ADAMTS17: variants seen among roughly 807,000 people sequenced by gnomAD.
ADAMTS17 encodes the protein A disintegrin and metalloproteinase with thrombospondin motifs 17.
In ADAMTS17, 113 loss-of-function variants were observed where a neutral mutation model predicts 141.5. The observed-to-expected ratio is 0.80, with a 90% CI of 0.69 to 0.93. The LOEUF (loss-of-function observed/expected upper bound fraction) is 0.93. Ranked by LOEUF, ADAMTS17 falls within the 40% of genes least tolerant of loss-of-function variation. The probability of loss-of-function intolerance (pLI) is 0.00; values close to 1 mark genes in which losing one functional copy is unlikely to be tolerated. For missense variants in ADAMTS17, 1,659 were observed against 1,517.9 expected, an observed-to-expected ratio of 1.09 and a Z score of -1.54; for synonymous variants, 768 against 630.6, an observed-to-expected ratio of 1.22 and a Z score of -3.27.
At chr15:100,278,742 C>T (rs1390687655) in intron 4 of ADAMTS17, among the ~76,000 whole-genome samples, 1 of 152,212 alleles carries the variant, frequency 6.6e-6, no homozygotes, top group Non-Finnish European at 1.5e-5. Flanking sequence ...TCCTAACAAG[C>T]AGGATTGCCG....
intron 18 of ADAMTS17, among the ~76,000 whole-genome samples, chr15:100,018,581 A>AC (rs2061339223): frequency 1.3e-5 from 2 of 152,144 alleles, no homozygotes; most frequent in South Asian, 2.1e-4. Flanking sequence ...GGAAGTGCCT[A>AC]CTTCTCTTTT....
At chr15:99,998,059 C>G (rs1460453985) in intron 18 of ADAMTS17, among the ~76,000 whole-genome samples, 2 of 152,218 alleles carry the variant, frequency 1.3e-5, no homozygotes, top group Non-Finnish European at 2.9e-5. Flanking sequence ...GCCCGCACCA[C>G]TACCGCCTGC....
chr15:100,205,149 G>A (rs2041486258), intron 7 of ADAMTS17, among the ~76,000 whole-genome samples: 1 of 152,154 alleles, frequency 6.6e-6, no homozygotes, highest in Non-Finnish European at 1.5e-5. Flanking sequence ...GTACCTCCAG[G>A]ATCCTGGACT....
intron 4 of ADAMTS17, among the ~76,000 whole-genome samples, chr15:100,269,651 G>A (rs1412443858): frequency 6.6e-6 from 1 of 152,124 alleles, no homozygotes; most frequent in East Asian, 1.9e-4. Context: ...TCTGATTCCT[G>A]GAGGAGGGAC....
intron 3 of ADAMTS17, among the ~76,000 whole-genome samples, chr15:100,300,311 T>C (rs2044985253): frequency 6.6e-6 from 1 of 152,088 alleles, no homozygotes; most frequent in African/African-American, 2.4e-5. Context: ...AGTCAAAATA[T>C]TTCCCTTTTG....
rs34003703 is a variant in ADAMTS17, at chr15:100,116,132, T to TAAA, written c.1888+712_1888+714dup. 8.7e-3 allele frequency among the ~76,000 whole-genome samples: 740 copies of TAAA among 84,742 alleles called. 29 individuals carry two copies. Among genetic ancestry groups the TAAA allele is most frequent in the African/African-American group, 0.032 (687 of 21,258 alleles). 55.6% of individuals were successfully genotyped at this position (84,742 alleles called of 152,430 possible). A position where few individuals can be genotyped will look rare whatever the true frequency, so the allele number is the denominator to read the frequency against. On this transcript the variant is annotated intron_variant, in intron 13 of 21. Coordinates refer to ENST00000268070, the MANE Select transcript of ADAMTS17 (RefSeq NM_139057.4). Reference sequence around the variant, plus strand: ...TTTCCTAAAGAAGAACAGTTTTAGGTAAAAAAAAAAAAAAAAAAAAAAAAA... The same window carrying TAAA: ...TTTCCTAAAGAAGAACAGTTTTAGGTAAAAAAAAAAAAAAAAAAAAAAAAAAAA...
chr15:100,254,083 A>G, intron 7 of ADAMTS17, 53 bp downstream of exon 7: 3 of 1,567,546 alleles, frequency 1.9e-6, no homozygotes, highest in Non-Finnish European at 2.6e-6. Flanking sequence ...AAGTCTCCAG[A>G]TTCTCCCAGG....
In ADAMTS17 at chr15:99,976,231, A is replaced by T; in HGVS notation, c.2950-9T>A. 1 of 1,542,340 alleles carries T rather than the reference A, an allele frequency of 6.5e-7. No homozygotes were observed. Among genetic ancestry groups the T allele is most frequent in the Non-Finnish European group, 8.7e-7 (1 of 1,146,196 alleles). ...CCGCAGGTCGACGAGCACTGCAGAGACAGGACAGCCTGAGTGGGGCTGACA... is the reference window on the plus strand; with the variant it reads ...CCGCAGGTCGACGAGCACTGCAGAGTCAGGACAGCCTGAGTGGGGCTGACA... On this transcript the variant is annotated splice_polypyrimidine_tract_variant and intron_variant, in intron 20 of 21. Coordinates refer to ENST00000268070, the MANE Select transcript of ADAMTS17 (RefSeq NM_139057.4).
Position 100,051,603 on chromosome 15 carries a change from G to A in ADAMTS17, c.2424C>T (p.Gly808=). The change falls in exon 17 of 22, where the codon GGC becomes GGT. Residue 808 remains glycine (G), a synonymous_variant. Transcript: ENST00000268070. ...CGCACTGCACACTGCACCCTTCCCA[G>A]CCGCTGTGGGTCCAGATGAACAAAG... ...QDSLFIWTHS[G]WEGCSVQCGG... The A allele has an allele frequency of 6.2e-7, 1 of 1,614,056 alleles. No individual in the cohort carries two copies. The highest frequency in any genetic ancestry group is 8.5e-7 in the Non-Finnish European group (1 of 1,179,978).
At chr15:100,130,202 A>T (rs1173151224) in intron 12 of ADAMTS17, among the ~76,000 whole-genome samples, 1 of 152,008 alleles carries the variant, frequency 6.6e-6, no homozygotes, top group Non-Finnish European at 1.5e-5. Flanking sequence ...CATCTCTACT[A>T]AAAATACAAA....
intron 15 of ADAMTS17, among the ~76,000 whole-genome samples, chr15:100,079,674 G>T (rs1335800059): frequency 6.6e-6 from 1 of 152,212 alleles, no homozygotes; most frequent in African/African-American, 2.4e-5. Flanking sequence ...TTCCATCATG[G>T]AAACGGCAGT....
At chr15:100,203,173 GACA>G (rs1374654446) in intron 7 of ADAMTS17, among the ~76,000 whole-genome samples, 2 of 152,094 alleles carry the variant, frequency 1.3e-5, no homozygotes, top group Non-Finnish European at 2.9e-5. Context: ...CTACACCCCT[GACA>G]ACAAGCGTGT....
chr15:100,118,785 A>G (rs2037297377), intron 12 of ADAMTS17, among the ~76,000 whole-genome samples: 1 of 152,172 alleles, frequency 6.6e-6, no homozygotes, highest in Non-Finnish European at 1.5e-5. Context: ...CCCTGGCAAT[A>G]AGTGAGTCCC....
chr15:99,999,515 G>A (rs1185880142), intron 18 of ADAMTS17, among the ~76,000 whole-genome samples: 1 of 152,104 alleles, frequency 6.6e-6, no homozygotes, highest in African/African-American at 2.4e-5. Context: ...GGAGGGGCAC[G>A]CTGGCGGGGT....
At chr15:100,200,149 G>T (rs2041269947) in intron 7 of ADAMTS17, among the ~76,000 whole-genome samples, 1 of 152,194 alleles carries the variant, frequency 6.6e-6, no homozygotes, top group South Asian at 2.1e-4. Flanking sequence ...TCGCACCTAA[G>T]GATCTCACCC....
intron 4 of ADAMTS17, among the ~76,000 whole-genome samples, chr15:100,269,239 C>G (rs918313259): frequency 5.3e-5 from 8 of 152,116 alleles, no homozygotes; most frequent in Non-Finnish European, 1.5e-5. Context: ...ATGACTAAGT[C>G]CTAAAAGCAA....
intron 14 of ADAMTS17, among the ~76,000 whole-genome samples, chr15:100,101,319 C>G (rs979157873): frequency 6.6e-6 from 1 of 152,330 alleles, no homozygotes; most frequent in African/African-American, 2.4e-5. Context: ...CGTTTGTGAG[C>G]TGACATGGCC....
At position 100,036,940 on chromosome 15, in the gene ADAMTS17, T is replaced by C. The variant is rs539385978; in HGVS notation, c.2591+11917A>G. On this transcript the variant is annotated intron_variant, in intron 18 of 21. Coordinates refer to ENST00000268070, the MANE Select transcript of ADAMTS17 (RefSeq NM_139057.4). ...GCTGAATAATATTGCGCTGCCTGAA[T>C]CTACTGCATTTTGTCTATTCTTCAG... Among the ~76,000 whole-genome samples the C allele has an allele frequency of 2.0e-5, 3 of 152,370 alleles. 1 individual carries two copies. Among genetic ancestry groups the C allele is most frequent in the African/African-American group, 7.2e-5 (3 of 41,594 alleles).
At chr15:100,303,925 C>T (rs114942334) in intron 3 of ADAMTS17, among the ~76,000 whole-genome samples, 11,080 of 152,140 alleles carry the variant, frequency 0.073, 443 homozygotes, top group African/African-American at 0.11. Context: ...CGTTTCGCCA[C>T]GTTGGGCAGG....
Sources: gnomAD v4.1 joint callset for allele counts (sites outside exome capture counted in the v4.1 genomes callset) on GRCh38, gnomAD v4.1.1 for gene constraint, MANE v1.5 for transcripts, NCBI Gene and HGNC (gene_info 2026-07-23, HGNC 2026-07-21) for gene names.